The following SBF2 variants were observed in gnomAD, a reference collection of about 807,000 sequenced individuals.
SBF2 encodes SET binding factor 2.
A neutral mutation model predicts 225.2 loss-of-function variants in SBF2; 112 were observed. The observed-to-expected ratio is 0.50, with a 90% CI of 0.43 to 0.58. The LOEUF is 0.58. Ranked by LOEUF, SBF2 falls within the 20% of genes least tolerant of loss-of-function variation. The pLI is 0.00. For synonymous variants in SBF2, 763 were observed against 773.3 expected, an observed-to-expected ratio of 0.99 and a Z score of 0.22; for missense variants, 1,996 against 2,206.2, an observed-to-expected ratio of 0.90 and a Z score of 1.91.
intron 1 of SBF2, among the ~76,000 whole-genome samples, chr11:10,198,214 T>C (rs554959505): frequency 6.6e-6 from 1 of 152,340 alleles, no homozygotes; most frequent in South Asian, 2.1e-4. Flanking sequence ...ATTTCTTAAA[T>C]AGTAAAACTT....
At chr11:10,281,702 A>AT (rs1446431818) in intron 1 of SBF2, among the ~76,000 whole-genome samples, 1 of 152,008 alleles carries the variant, frequency 6.6e-6, no homozygotes, top group Non-Finnish European at 1.5e-5. Flanking sequence ...TCACAACTCT[A>AT]TATACTCTAA....
chr11:9,932,204 T>C (rs575010292), intron 16 of SBF2, among the ~76,000 whole-genome samples: 1 of 152,118 alleles, frequency 6.6e-6, no homozygotes, highest in Non-Finnish European at 1.5e-5. Flanking sequence ...TGGAAAACAC[T>C]CTTCAGGATA....
intron 1 of SBF2, among the ~76,000 whole-genome samples, chr11:10,277,355 G>T (rs1591355107): frequency 6.6e-6 from 1 of 152,186 alleles, no homozygotes; most frequent in Admixed American, 6.5e-5. Context: ...AGTGGATGCT[G>T]ATTTAACTTG....
At chr11:9,962,676 T>C (rs1056290754) in intron 15 of SBF2, among the ~76,000 whole-genome samples, 1 of 152,182 alleles carries the variant, frequency 6.6e-6, no homozygotes, top group African/African-American at 2.4e-5. Context: ...TAAAACTCTT[T>C]TCGCTTTACA....
At chr11:10,079,348 A>G (rs1317836961) in intron 2 of SBF2, among the ~76,000 whole-genome samples, 2 of 152,224 alleles carry the variant, frequency 1.3e-5, no homozygotes, top group African/African-American at 4.8e-5. Context: ...CATTTACAGG[A>G]TATGACTGAG....
chr11:10,142,229 A>G (rs1954682087), intron 2 of SBF2, among the ~76,000 whole-genome samples: 1 of 152,196 alleles, frequency 6.6e-6, no homozygotes, highest in South Asian at 2.1e-4. Flanking sequence ...ATAATTTCTT[A>G]TCTTGCATCT....
intron 32 of SBF2, among the ~76,000 whole-genome samples, chr11:9,804,544 G>A (rs555913275): frequency 1.1e-4 from 17 of 152,160 alleles, no homozygotes; most frequent in Non-Finnish European, 1.9e-4. Flanking sequence ...CCACAATCAT[G>A]ATACAGAACA....
intron 13 of SBF2, among the ~76,000 whole-genome samples, chr11:9,989,039 AATAT>A (rs144940762): frequency 7.2e-6 from 1 of 138,856 alleles, no homozygotes; most frequent in Non-Finnish European, 1.6e-5. Context: ...AACTGTGCCA[AATAT>A]ATATATATAT....
chr11:9,780,790 G>A (rs1851954759), intron 39 of SBF2: 1 of 444,070 alleles, frequency 2.3e-6, no homozygotes, highest in South Asian at 2.1e-5. Flanking sequence ...TGACTAAGGA[G>A]GAAGGGTCAG....
intron 2 of SBF2, among the ~76,000 whole-genome samples, chr11:10,067,421 GTT>G (rs1314557766): frequency 6.6e-6 from 1 of 152,060 alleles, no homozygotes; most frequent in Admixed American, 6.6e-5. Context: ...GTAAAACTGA[GTT>G]TGAAATTCCA....
At chr11:9,910,209 A>C in intron 16 of SBF2, among the ~76,000 whole-genome samples, 1 of 152,178 alleles carries the variant, frequency 6.6e-6, no homozygotes, top group Non-Finnish European at 1.5e-5. Context: ...ACATATGACT[A>C]TAATGGAGCT....
chr11:9,792,324 G>A (rs969359577), intron 33 of SBF2, among the ~76,000 whole-genome samples: 2 of 151,800 alleles, frequency 1.3e-5, no homozygotes, highest in Admixed American at 1.3e-4. Context: ...CCAGCTACTC[G>A]GGAGGCTGAG....
At chr11:10,216,467 G>A (rs1351547740) in intron 1 of SBF2, among the ~76,000 whole-genome samples, 1 of 152,202 alleles carries the variant, frequency 6.6e-6, no homozygotes, top group Non-Finnish European at 1.5e-5. Context: ...AATGTAACTA[G>A]TTTTCCCATC....
chr11:10,121,187 A>C (rs1953428877), intron 2 of SBF2, among the ~76,000 whole-genome samples: 1 of 152,252 alleles, frequency 6.6e-6, no homozygotes, highest in South Asian at 2.1e-4. Context: ...TCCACATAAT[A>C]ACATCCAGTC....
chr11:10,069,865 G>A (rs1328335528), intron 2 of SBF2, among the ~76,000 whole-genome samples: 1 of 152,224 alleles, frequency 6.6e-6, no homozygotes, highest in East Asian at 1.9e-4. Flanking sequence ...ACTGGTGTGA[G>A]ATGGTATCTC....
intron 17 of SBF2, among the ~76,000 whole-genome samples, chr11:9,893,587 T>C (rs1861008196): frequency 6.6e-6 from 1 of 152,198 alleles, no homozygotes; most frequent in African/African-American, 2.4e-5. Context: ...GTGCTATCTA[T>C]AAAGTTTCAG....
intron 33 of SBF2, among the ~76,000 whole-genome samples, chr11:9,792,445 T>A (rs952038986): frequency 6.7e-6 from 1 of 150,074 alleles, no homozygotes; most frequent in Non-Finnish European, 1.5e-5. Flanking sequence ...AAAAAAAAAA[T>A]TATGACTGAT....
At chr11:10,040,753 G>T (rs1268082184) in intron 3 of SBF2, among the ~76,000 whole-genome samples, 1 of 151,654 alleles carries the variant, frequency 6.6e-6, no homozygotes, top group Non-Finnish European at 1.5e-5. Context: ...GGGGAGATGG[G>T]GAGAGGAGAG....
intron 6 of SBF2, among the ~76,000 whole-genome samples, chr11:10,025,595 TTTTTA>T (rs1949020768): frequency 6.6e-6 from 1 of 152,076 alleles, no homozygotes; most frequent in South Asian, 2.1e-4. Context: ...GCAGATGTTA[TTTTTA>T]TTTTATTTGT....
Sources: gnomAD v4.1 joint callset for allele counts (sites outside exome capture counted in the v4.1 genomes callset) on GRCh38, gnomAD v4.1.1 for gene constraint, MANE v1.5 for transcripts, NCBI Gene and HGNC (gene_info 2026-07-23, HGNC 2026-07-21) for gene names.